TMEM131L: variants seen among roughly 807,000 people sequenced by gnomAD.
The protein encoded by TMEM131L is transmembrane protein 131-like.
In TMEM131L, 54 loss-of-function variants were observed where a neutral mutation model predicts 192.2. That is an observed-to-expected ratio of 0.28 (90% CI 0.23 to 0.35). The LOEUF (loss-of-function observed/expected upper bound fraction) is 0.35. Ranked by LOEUF, TMEM131L falls within the 10% of genes least tolerant of loss-of-function variation. The pLI is 1.00. For synonymous variants in TMEM131L, 701 were observed against 704.9 expected, an observed-to-expected ratio of 0.99 and a Z score of 0.09; for missense variants, 1,888 against 1,972.9, an observed-to-expected ratio of 0.96 and a Z score of 0.82.
chr4:153,591,306 C>T (rs1318119453), intron 17 of TMEM131L, 112 bp downstream of exon 17: 46 of 1,013,904 alleles, frequency 4.5e-5, no homozygotes, highest in South Asian at 1.2e-4. Flanking sequence ...AAAATTAAGG[C>T]GATGTCAAAA....
At chr4:153,467,670 A>G (rs1377640123) in intron 2 of TMEM131L, among the ~76,000 whole-genome samples, 4 of 152,232 alleles carry the variant, frequency 2.6e-5, no homozygotes, top group Non-Finnish European at 5.9e-5. Context: ...TTAGAGTGGT[A>G]TTTGCCATTA....
intron 26 of TMEM131L, 43 bp from the exon 27 acceptor site, chr4:153,620,713 A>T: frequency 7.9e-7 from 1 of 1,272,656 alleles, no homozygotes. Context: ...GTTTTTATTC[A>T]TATTTAGTTT....
intron 3 of TMEM131L, among the ~76,000 whole-genome samples, chr4:153,533,885 C>A (rs1401526203): frequency 6.6e-6 from 1 of 152,040 alleles, no homozygotes; most frequent in African/African-American, 2.4e-5. Context: ...TGAATAGACC[C>A]GATATATTTT....
intron 26 of TMEM131L, among the ~76,000 whole-genome samples, chr4:153,614,587 A>G (rs1732848686): frequency 6.6e-6 from 1 of 152,204 alleles, no homozygotes; most frequent in African/African-American, 2.4e-5. Context: ...TTCCTGAATG[A>G]AGGTAATAAT....
At chr4:153,578,062 GAA>G (rs1730078807) in intron 7 of TMEM131L, among the ~76,000 whole-genome samples, 1 of 152,192 alleles carries the variant, frequency 6.6e-6, no homozygotes, top group African/African-American at 2.4e-5. Context: ...GAACCAGAGA[GAA>G]AGAAAAACCG....
At chr4:153,551,342 AG>A (rs1380748325) in intron 4 of TMEM131L, among the ~76,000 whole-genome samples, 1 of 148,992 alleles carries the variant, frequency 6.7e-6, no homozygotes, top group East Asian at 2.0e-4. Flanking sequence ...GCTGCAGTGA[AG>A]GAGAATGAAC....
chr4:153,600,134 G>A (rs1005850030), intron 21 of TMEM131L, among the ~76,000 whole-genome samples: 1 of 152,218 alleles, frequency 6.6e-6, no homozygotes, highest in Non-Finnish European at 1.5e-5. Context: ...GGAGTCCAAG[G>A]TGGAAAGATT....
chr4:153,561,984 A>G (rs1038761775), intron 7 of TMEM131L, among the ~76,000 whole-genome samples: 3 of 151,824 alleles, frequency 2.0e-5, no homozygotes, highest in African/African-American at 7.3e-5. Flanking sequence ...AACCTCTTAA[A>G]AGTCAGTTAT....
intron 3 of TMEM131L, among the ~76,000 whole-genome samples, chr4:153,544,267 CT>C (rs1034769813): frequency 6.6e-6 from 1 of 152,200 alleles, no homozygotes; most frequent in African/African-American, 2.4e-5. Flanking sequence ...TCTCAGATCC[CT>C]GTTAGGAGGT....
intron 9 of TMEM131L, among the ~76,000 whole-genome samples, chr4:153,582,427 T>G (rs888293799): frequency 1.6e-5 from 2 of 122,162 alleles, no homozygotes; most frequent in South Asian, 2.2e-4. Flanking sequence ...ACCGTTTTTT[T>G]TTGTTGTTTT....
intron 3 of TMEM131L, among the ~76,000 whole-genome samples, chr4:153,530,558 C>T (rs1207655240): frequency 6.6e-6 from 1 of 152,096 alleles, no homozygotes; most frequent in Non-Finnish European, 1.5e-5. Context: ...GGTCTTCTGT[C>T]CAGGGTAGGC....
In TMEM131L at chr4:153,556,989, T is replaced by C; in HGVS notation, c.456T>C (p.Thr152=). The stretch of plus-strand genomic sequence containing the variant: ...AGGTAATTCCAGCAATGGGGAAAAC[T>C]TCCTTCAGAATTATTTTCTTACCTA... The part of the protein sequence containing the change: ...PCRVIPAMGK[T]SFRIIFLPTE... The change falls in exon 6 of 35, where the codon ACT becomes ACC. Residue 152 remains threonine, a synonymous_variant. Transcript: ENST00000409959. The C allele has an allele frequency of 6.3e-7, 1 of 1,597,810 alleles. No homozygotes were observed. Among genetic ancestry groups the C allele is most frequent in the East Asian group, 2.2e-5 (1 of 44,746 alleles).
intron 3 of TMEM131L, among the ~76,000 whole-genome samples, chr4:153,530,021 A>G (rs1387965385): frequency 4.1e-5 from 6 of 147,718 alleles, no homozygotes; most frequent in Non-Finnish European, 1.5e-5. Context: ...AATTCTTGCC[A>G]TCTCTGTTGT....
At position 153,623,077 on chromosome 4, in the gene TMEM131L, CCGGCCGGTG is replaced by C; in HGVS notation, c.4040_4045+3del. ...CATGGTGGACGCCCAGCACTTCCTG[CCGGCCGGTG>C]AGTCCTGAGCAGAGCCCCAGGCACT... On this transcript the variant is annotated splice_donor_variant and splice_donor_region_variant and coding_sequence_variant and intron_variant, in exon 29 of 35. Coordinates refer to ENST00000409959, the MANE Select transcript of TMEM131L (RefSeq NM_001131007.2). LOFTEE classifies it high-confidence loss of function. The C allele has an allele frequency of 6.3e-7, 1 of 1,599,768 alleles. No homozygotes were observed. The highest frequency in any genetic ancestry group is 8.5e-7 in the Non-Finnish European group (1 of 1,173,454).
chr4:153,596,445 C>T, intron 20 of TMEM131L, 60 bp downstream of exon 20: 1 of 1,586,728 alleles, frequency 6.3e-7, no homozygotes, highest in South Asian at 1.1e-5. Flanking sequence ...GTGTAAATCT[C>T]TTTAGCTGAT....
rs78858431 is a variant in TMEM131L at position 153,569,232 on chromosome 4, T to C, written c.660+10864T>C. 4.9e-3 allele frequency among the ~76,000 whole-genome samples: 752 copies of C among 152,304 alleles called. 7 individuals are homozygous for C. The highest frequency in any genetic ancestry group is 0.016 in the African/African-American group (680 of 41,554). On this transcript the variant is annotated intron_variant, in intron 7 of 34. Coordinates refer to ENST00000409959, the MANE Select transcript of TMEM131L (RefSeq NM_001131007.2). Reference sequence around the variant, plus strand: ...ACCCTTTGGAATTACCTGTTAAGCCTGAGATCAGCCGATTTCCAGCCCTGT... The same window carrying C: ...ACCCTTTGGAATTACCTGTTAAGCCCGAGATCAGCCGATTTCCAGCCCTGT...
chr4:153,598,424 T>C (rs984347961), intron 20 of TMEM131L, among the ~76,000 whole-genome samples, 166 bp from the exon 21 acceptor site: 10 of 152,244 alleles, frequency 6.6e-5, no homozygotes, highest in Non-Finnish European at 1.0e-4. Flanking sequence ...TGCACCCTTA[T>C]TCTGTGAGAT....
intron 3 of TMEM131L, among the ~76,000 whole-genome samples, chr4:153,511,278 A>G (rs892040566): frequency 6.6e-6 from 1 of 152,238 alleles, no homozygotes; most frequent in Admixed American, 6.5e-5. Context: ...TGGTACATAT[A>G]CACCGTGGAA....
At position 153,579,199 on chromosome 4, in the gene TMEM131L, A is replaced by G. The variant is rs183707467; in HGVS notation, c.661-1627A>G. ...AATATGGTGAAGCTCCGTCTCTATA[A>G]AAAATACACAAATTAGCCATGTGTG... On this transcript the variant is annotated intron_variant, in intron 7 of 34. Transcript: ENST00000409959. Among the ~76,000 whole-genome samples, 619 of 152,094 alleles carry G rather than the reference A, an allele frequency of 4.1e-3. 2 individuals are homozygous for G. Among genetic ancestry groups the G allele is most frequent in the Non-Finnish European group, 6.6e-3 (451 of 67,974 alleles).
Sources: gnomAD v4.1 joint callset for allele counts (sites outside exome capture counted in the v4.1 genomes callset) on GRCh38, gnomAD v4.1.1 for gene constraint, MANE v1.5 for transcripts, NCBI Gene and HGNC (gene_info 2026-07-23, HGNC 2026-07-21) for gene names.